Variants in NRXN3 observed in about 807,000 individuals in gnomAD.
The protein encoded by NRXN3 is neurexin 3.
NRXN3 carries 32 observed loss-of-function variants against 137.6 expected under a neutral mutation model. The observed-to-expected ratio is 0.23, with a 90% CI of 0.18 to 0.31. The LOEUF (loss-of-function observed/expected upper bound fraction) is 0.31. NRXN3 is among the 10% of genes least tolerant of loss of function. The pLI is 1.00. For missense variants in NRXN3, 1,574 were observed against 2,062.5 expected (o/e 0.76, Z 4.59); for synonymous variants, 798 against 784.5 (o/e 1.02, Z -0.29).
chr14:79,673,362 GAT>G (rs1357602373), intron 17 of NRXN3, among the ~76,000 whole-genome samples: 2 of 152,086 alleles, frequency 1.3e-5, no homozygotes, highest in Non-Finnish European at 2.9e-5. Context: ...GCCAATGGTA[GAT>G]ATATAGCACA....
At chr14:79,245,363 T>C (rs891562681) in intron 15 of NRXN3, among the ~76,000 whole-genome samples, 1 of 149,412 alleles carries the variant, frequency 6.7e-6, no homozygotes, top group Admixed American at 6.7e-5. Context: ...GGAGAGACCA[T>C]GGGAAGAGAA....
chr14:79,573,982 A>G (rs879892256), intron 16 of NRXN3, among the ~76,000 whole-genome samples: 4 of 152,126 alleles, frequency 2.6e-5, no homozygotes, highest in Admixed American at 2.6e-4. Context: ...TGGGCAACCC[A>G]AAAAGATATT....
rs142364337 is a variant in NRXN3, at chr14:79,116,297, CAG to C, written c.3262+128157_3262+128158del. 3.4e-3 allele frequency among the ~76,000 whole-genome samples: 517 copies of C among 152,298 alleles called. 2 individuals carry two copies. The highest frequency in any genetic ancestry group is 0.011 in the African/African-American group (467 of 41,568). ...TACAGCCGGCTAATGGATGGAGACACAGGGGAGAGATTTTCTTTGTGGGAGTT... is the reference window on the plus strand; with the variant it reads ...TACAGCCGGCTAATGGATGGAGACACGGGAGAGATTTTCTTTGTGGGAGTT... On this transcript the variant is annotated intron_variant, in intron 15 of 20. Coordinates refer to ENST00000335750, the MANE Select transcript of NRXN3 (RefSeq NM_001330195.2).
chr14:79,821,927 G>A (rs1280408893), intron 20 of NRXN3, among the ~76,000 whole-genome samples: 1 of 151,562 alleles, frequency 6.6e-6, no homozygotes, highest in Non-Finnish European at 1.5e-5. Context: ...TTTTTTTATT[G>A]TATATCCAAA....
chr14:78,536,461 G>A (rs770109382), intron 4 of NRXN3, among the ~76,000 whole-genome samples: 5 of 152,172 alleles, frequency 3.3e-5, no homozygotes, highest in Non-Finnish European at 7.3e-5. Flanking sequence ...GCCCAGTGAT[G>A]TTTATGGTGA....
chr14:79,711,457 A>C (rs1441080496), intron 19 of NRXN3, among the ~76,000 whole-genome samples: 1 of 151,480 alleles, frequency 6.6e-6, no homozygotes, highest in East Asian at 1.9e-4. Flanking sequence ...GTATATATGT[A>C]TATATATTTA....
intron 1 of NRXN3, among the ~76,000 whole-genome samples, chr14:78,195,814 A>G (rs1295210743): frequency 6.6e-6 from 1 of 152,226 alleles, no homozygotes; most frequent in African/African-American, 2.4e-5. Flanking sequence ...TTTTTCTACT[A>G]TAACCTGTTG....
At chr14:78,987,299 T>C in intron 14 of NRXN3, among the ~76,000 whole-genome samples, 1 of 152,152 alleles carries the variant, frequency 6.6e-6, no homozygotes, top group Admixed American at 6.5e-5. Context: ...TTACTTTACC[T>C]AAGTTGGACA....
chr14:79,371,226 C>T (rs1194058947), intron 15 of NRXN3, among the ~76,000 whole-genome samples: 1 of 151,982 alleles, frequency 6.6e-6, no homozygotes, highest in African/African-American at 2.4e-5. Flanking sequence ...TTTTTTCTAC[C>T]CTTTAGTCAT....
chr14:79,737,531 G>A (rs1164528286), intron 19 of NRXN3, among the ~76,000 whole-genome samples: 1 of 152,102 alleles, frequency 6.6e-6, no homozygotes, highest in African/African-American at 2.4e-5. Context: ...AAGATACTAT[G>A]TCTCAGCACG....
At chr14:79,360,270 C>T (rs1185272300) in intron 15 of NRXN3, among the ~76,000 whole-genome samples, 1 of 152,182 alleles carries the variant, frequency 6.6e-6, no homozygotes, top group Non-Finnish European at 1.5e-5. Context: ...TTTTAAGTCA[C>T]ATCTTTAAGG....
intron 2 of NRXN3, among the ~76,000 whole-genome samples, chr14:78,255,169 G>GAAAA (rs35233538): frequency 2.3e-5 from 2 of 86,112 alleles, no homozygotes; most frequent in African/African-American, 4.8e-5. Context: ...CACAGCAGCA[G>GAAAA]AAAAAAAAAA....
At chr14:78,792,158 A>G (rs940143710) in intron 8 of NRXN3, among the ~76,000 whole-genome samples, 1 of 147,752 alleles carries the variant, frequency 6.8e-6, no homozygotes, top group Non-Finnish European at 1.5e-5. Flanking sequence ...AATTTGCATT[A>G]TTGAATGACT....
At chr14:78,805,350 C>A (rs921750781) in intron 9 of NRXN3, among the ~76,000 whole-genome samples, 2 of 151,696 alleles carry the variant, frequency 1.3e-5, no homozygotes, top group African/African-American at 4.8e-5. Flanking sequence ...TCCTGAGTTT[C>A]CAATCCTCCC....
At chr14:78,218,600 C>T (rs1309644120) in intron 1 of NRXN3, among the ~76,000 whole-genome samples, 4 of 152,290 alleles carry the variant, frequency 2.6e-5, no homozygotes, top group South Asian at 4.1e-4. Context: ...CCAAAGGCCC[C>T]AGGAGTCCTC....
intron 15 of NRXN3, among the ~76,000 whole-genome samples, chr14:79,058,327 C>T (rs2099668729): frequency 6.6e-6 from 1 of 151,910 alleles, no homozygotes; most frequent in Admixed American, 6.6e-5. Flanking sequence ...CTGTGTTGCT[C>T]CAGGTTTTTA....
intron 15 of NRXN3, among the ~76,000 whole-genome samples, chr14:79,405,784 A>G (rs2095298536): frequency 6.6e-6 from 1 of 152,152 alleles, no homozygotes; most frequent in Non-Finnish European, 1.5e-5. Flanking sequence ...TGTAATTCAT[A>G]CTTTATGAGG....
Position 79,410,997 on chromosome 14 carries a change from G to A in NRXN3, c.3263-56224G>A, listed in dbSNP as rs1481326763. 2.0e-5 allele frequency among the ~76,000 whole-genome samples: 3 copies of A among 152,044 alleles called. No individual in the cohort carries two copies. In the East Asian group the frequency reaches 5.8e-4, roughly 29 times the overall value. On this transcript the variant is annotated intron_variant, in intron 15 of 20. Coordinates refer to ENST00000335750, the MANE Select transcript of NRXN3 (RefSeq NM_001330195.2). ...AGACTCAATTAAGTGCATTTACTCA[G>A]GGCTACCCATCTATTAAGTGGCATG...
intron 4 of NRXN3, among the ~76,000 whole-genome samples, chr14:78,516,532 G>C (rs2096210544): frequency 6.6e-6 from 1 of 151,414 alleles, no homozygotes; most frequent in Non-Finnish European, 1.5e-5. Flanking sequence ...ATGGCATTGA[G>C]AAGTAGTGAG....
Sources: allele counts gnomAD v4.1 joint callset (sites outside exome capture counted in the v4.1 genomes callset), GRCh38; gene constraint gnomAD v4.1.1; transcripts MANE v1.5; gene names NCBI Gene and HGNC (gene_info 2026-07-23, HGNC 2026-07-21).